The following RIMS2 variants were observed in gnomAD, a reference collection of about 807,000 sequenced individuals.
RIMS2 encodes the protein regulating synaptic membrane exocytosis protein 2.
In RIMS2, 59 loss-of-function variants were observed where a neutral mutation model predicts 174.4. The ratio of observed to expected loss-of-function variants is 0.34; its 90% CI spans 0.27 to 0.42. The LOEUF is 0.42. Ranked by LOEUF, RIMS2 falls within the 10% of genes least tolerant of loss-of-function variation. The pLI is 1.00. For missense variants in RIMS2, 1,620 were observed against 1,666.3 expected (o/e 0.97, Z 0.48); for synonymous variants, 606 against 572.5 (o/e 1.06, Z -0.84).
intron 13 of RIMS2, among the ~76,000 whole-genome samples, chr8:103,941,912 G>A (rs1016729855): frequency 5.3e-5 from 8 of 152,184 alleles, no homozygotes; most frequent in South Asian, 2.1e-4. Context: ...ACAATAAGAC[G>A]AAGCTAGTAA....
intron 3 of RIMS2, among the ~76,000 whole-genome samples, chr8:103,786,759 T>G (rs545850988): frequency 1.3e-5 from 2 of 152,296 alleles, no homozygotes; most frequent in South Asian, 4.1e-4. Context: ...TGATTTGGGG[T>G]GGAGAGTTCT....
chr8:103,555,884 G>T (rs1850233523), intron 1 of RIMS2, among the ~76,000 whole-genome samples: 1 of 151,662 alleles, frequency 6.6e-6, no homozygotes, highest in Non-Finnish European at 1.5e-5. Flanking sequence ...CCTATCATAT[G>T]CAACAACGTG....
chr8:103,819,685 A>T, intron 3 of RIMS2: 2 of 1,375,836 alleles, frequency 1.5e-6, no homozygotes, highest in Non-Finnish European at 2.0e-6. Flanking sequence ...GAATAATCTT[A>T]TATGCCAGTA....
intron 1 of RIMS2, among the ~76,000 whole-genome samples, chr8:103,532,473 T>A (rs1837640022): frequency 6.6e-6 from 1 of 152,230 alleles, no homozygotes; most frequent in Non-Finnish European, 1.5e-5. Flanking sequence ...GCATATCTGA[T>A]CCATTCTGTG....
At chr8:103,506,014 G>T (rs1005234344) in intron 1 of RIMS2, among the ~76,000 whole-genome samples, 3 of 151,964 alleles carry the variant, frequency 2.0e-5, no homozygotes, top group African/African-American at 7.2e-5. Flanking sequence ...TGGATTTTGA[G>T]TTTGTGATCT....
At chr8:103,951,685 A>G (rs1177601233) in intron 14 of RIMS2, among the ~76,000 whole-genome samples, 2 of 152,204 alleles carry the variant, frequency 1.3e-5, no homozygotes, top group East Asian at 1.9e-4. Flanking sequence ...ATTTGGGCAG[A>G]CACTGAGCTA....
intron 1 of RIMS2, among the ~76,000 whole-genome samples, chr8:103,623,731 C>T (rs1467829221): frequency 5.9e-5 from 9 of 151,782 alleles, no homozygotes; most frequent in East Asian, 1.9e-4. Flanking sequence ...CCTCGTGATC[C>T]GCCCGCTTCG....
chr8:104,182,510 T>TA (rs762718536), intron 19 of RIMS2, among the ~76,000 whole-genome samples: 18 of 151,884 alleles, frequency 1.2e-4, no homozygotes, highest in Non-Finnish European at 2.1e-4. Context: ...GCATACCCTT[T>TA]AGCTATTCCT....
chr8:104,158,796 C>A (rs1276351142), intron 19 of RIMS2, among the ~76,000 whole-genome samples: 1 of 151,442 alleles, frequency 6.6e-6, no homozygotes, highest in Non-Finnish European at 1.5e-5. Flanking sequence ...TGGATATTAA[C>A]CCTTTTTCAG....
chr8:103,505,647 G>C (rs1167007735), intron 1 of RIMS2, among the ~76,000 whole-genome samples: 1 of 151,964 alleles, frequency 6.6e-6, no homozygotes, highest in African/African-American at 2.4e-5. Context: ...TGGGCCAAAG[G>C]GTTAGTATAT....
chr8:103,849,352 A>G (rs1166946802), intron 3 of RIMS2, among the ~76,000 whole-genome samples: 10 of 152,088 alleles, frequency 6.6e-5, no homozygotes, highest in African/African-American at 2.4e-4. Flanking sequence ...GGATTTCTGT[A>G]CACATGAGTT....
intron 9 of RIMS2, among the ~76,000 whole-genome samples, chr8:103,919,619 ATGGTGAGAAG>A (rs2077227818): frequency 6.6e-6 from 1 of 152,046 alleles, no homozygotes; most frequent in Non-Finnish European, 1.5e-5. Flanking sequence ...AGCAATGAGG[ATGGTGAGAAG>A]TGGTCAGATT....
chr8:103,502,744 C>T (rs1682125559), intron 1 of RIMS2, among the ~76,000 whole-genome samples: 1 of 151,890 alleles, frequency 6.6e-6, no homozygotes, highest in Admixed American at 6.5e-5. Context: ...TCAGTGCGGC[C>T]AAAATGATGC....
chr8:103,772,011 T>C (rs779011988), intron 3 of RIMS2, among the ~76,000 whole-genome samples: 1 of 152,082 alleles, frequency 6.6e-6, no homozygotes, highest in Admixed American at 6.6e-5. Flanking sequence ...GATGAATATT[T>C]AGCAGTTTGG....
At chr8:104,094,831 T>C (rs2097728759) in intron 19 of RIMS2, 1 of 586,140 alleles carries the variant, frequency 1.7e-6, no homozygotes, top group African/African-American at 1.9e-5. Context: ...TTTCTTGTGT[T>C]TTATCTATTT....
chr8:103,957,222 C>T (rs1273773096), intron 14 of RIMS2, among the ~76,000 whole-genome samples: 1 of 152,118 alleles, frequency 6.6e-6, no homozygotes, highest in Non-Finnish European at 1.5e-5. Context: ...ACTAGAAATA[C>T]CACTTGACCC....
chr8:103,996,874 T>C (rs531104316), intron 17 of RIMS2, among the ~76,000 whole-genome samples: 1 of 152,006 alleles, frequency 6.6e-6, no homozygotes, highest in African/African-American at 2.4e-5. Context: ...TAGTTCAGTG[T>C]ATATGAACTG....
chr8:104,089,266 C>T (rs75998618), intron 19 of RIMS2, among the ~76,000 whole-genome samples: 4,635 of 151,912 alleles, frequency 0.031, 201 homozygotes, highest in African/African-American at 0.1. Context: ...CAACCATTTC[C>T]TAAATAAATA....
At chr8:104,239,476 T>G (rs1470429195) in intron 19 of RIMS2, among the ~76,000 whole-genome samples, 1 of 152,218 alleles carries the variant, frequency 6.6e-6, no homozygotes, top group Non-Finnish European at 1.5e-5. Context: ...CAACACCATC[T>G]GGGCCTTACC....
Sources: allele counts gnomAD v4.1 joint callset (sites outside exome capture counted in the v4.1 genomes callset), GRCh38; gene constraint gnomAD v4.1.1; transcripts MANE v1.5; gene names NCBI Gene and HGNC (gene_info 2026-07-23, HGNC 2026-07-21).